SLC29A4: variants seen among roughly 807,000 people sequenced by gnomAD.
SLC29A4 encodes the protein equilibrative nucleoside transporter 4.
Under a neutral mutation model 43.9 loss-of-function variants are expected in SLC29A4, and 36 were observed. The ratio of observed to expected loss-of-function variants is 0.82; its 90% CI spans 0.63 to 1.08. The LOEUF (loss-of-function observed/expected upper bound fraction) is 1.08, where lower values mean the gene tolerates loss of function less well. Ranked by LOEUF, SLC29A4 falls within the 50% of genes least tolerant of loss-of-function variation. SLC29A4 has a pLI of 0.00. For missense variants in SLC29A4, 869 were observed against 755.3 expected (o/e 1.15, Z -1.77); for synonymous variants, 491 against 338.0 (o/e 1.45, Z -4.97).
Position 5,305,883 on chromosome 7 carries a change from A to T in SLC29A4, c.*2944A>T. 7.2e-6 allele frequency: 1 copy of T among 138,316 alleles called. No homozygotes were observed. The allele number at this position is 138,316 out of a possible 1,614,324, so 8.6% of individuals were successfully genotyped here. A position where few individuals can be genotyped will look rare whatever the true frequency, so the allele number is the denominator to read the frequency against. On this transcript the variant is annotated 3_prime_UTR_variant, in exon 11 of 11. Coordinates refer to ENST00000396872, the MANE Select transcript of SLC29A4 (RefSeq NM_153247.4). The stretch of plus-strand genomic sequence containing the variant: ...TGGTTTTTTGAGATGGAATCTCGTT[A>T]TGTCACCCCAGCTGGAGGGCAGTGG...
intron 10 of SLC29A4, among the ~76,000 whole-genome samples, chr7:5,302,383 A>T (rs1406956118): frequency 1.3e-5 from 2 of 152,108 alleles, no homozygotes; most frequent in East Asian, 1.9e-4. Flanking sequence ...CTACAAAAAA[A>T]TTTTTTTAGG....
At position 5,297,102 on chromosome 7, in the gene SLC29A4, C is replaced by T. The variant is rs541394436; in HGVS notation, c.786C>T (p.Thr262=). The change falls in exon 7 of 11, where the codon ACC becomes ACT. Residue 262 remains threonine, a synonymous_variant. Coordinates refer to ENST00000396872, the MANE Select transcript of SLC29A4 (RefSeq NM_153247.4). ...GCAGCCGCTTCGTGCTCTTCTATACCACACGGCCGCGTGACAGCCACCGGG... is the reference window on the plus strand; with the variant it reads ...GCAGCCGCTTCGTGCTCTTCTATACTACACGGCCGCGTGACAGCCACCGGG... ...VRRSRFVLFY[T]TRPRDSHRGR... is the part of the protein sequence containing the mutation. The T allele has an allele frequency of 5.0e-6, 8 of 1,607,622 alleles. No individual in the cohort carries two copies. Among genetic ancestry groups the T allele is most frequent in the African/African-American group, 1.3e-5 (1 of 75,018 alleles).
intron 5 of SLC29A4, among the ~76,000 whole-genome samples, chr7:5,292,179 T>C (rs1488847538): frequency 1.3e-5 from 2 of 152,080 alleles, no homozygotes; most frequent in Admixed American, 6.6e-5. Flanking sequence ...GGCATGATCA[T>C]AGCTCACTGC....
At chr7:5,291,024 C>G in intron 3 of SLC29A4, 100 bp from the exon 4 acceptor site, 1 of 1,537,334 alleles carries the variant, frequency 6.5e-7, no homozygotes, top group Non-Finnish European at 8.9e-7. Context: ...GCCACTCACC[C>G]TCTGTGGGCA....
intron 7 of SLC29A4, 66 bp from the exon 8 acceptor site, chr7:5,298,922 A>G (rs1207383892): frequency 3.2e-6 from 5 of 1,553,652 alleles, no homozygotes; most frequent in Admixed American, 3.6e-5. Context: ...TTGGGCCTGG[A>G]TTCCTGGCCC....
At position 5,287,872 on chromosome 7, in the gene SLC29A4, A is replaced by T. The variant is rs559185534; in HGVS notation, c.56A>T (p.Asp19Val). 1.9e-6 allele frequency: 3 copies of T among 1,611,852 alleles called. No homozygotes were observed. The East Asian group carries it at 6.7e-5, about 36-fold the overall frequency. The change falls in exon 2 of 11, where the codon GAC becomes GTC. Residue 19 changes from aspartate to valine, a missense_variant. Asp to Val is a radical substitution (Grantham distance 152). Coordinates refer to ENST00000396872, the MANE Select transcript of SLC29A4 (RefSeq NM_153247.4). Reference protein sequence around the residue: ...LEEPSVAGTPDPGVVMSFTFD... With the variant: ...LEEPSVAGTPVPGVVMSFTFD... ...GAGCCCAGCGTGGCAGGCACACCAG[A>T]CCCGGGCGTAGTGATGAGCTTCACC...
At chr7:5,283,352 G>GT (rs955541379) in intron 1 of SLC29A4, among the ~76,000 whole-genome samples, 2 of 140,756 alleles carry the variant, frequency 1.4e-5, no homozygotes, top group African/African-American at 5.1e-5. Flanking sequence ...CCGCGCGGGG[G>GT]TCCTCCCGCA....
chr7:5,296,812 CAGGGCCTGTGGTGGAGGGCGGGGCCGG>C lies in SLC29A4; in HGVS notation c.620-123_620-97del, dbSNP rs1341397842. 234 of 1,029,156 alleles carry C rather than the reference CAGGGCCTGTGGTGGAGGGCGGGGCCGG, an allele frequency of 2.3e-4. 1 individual carries two copies. In the East Asian group the frequency reaches 2.5e-3, roughly 11 times the overall value. 63.8% of individuals were successfully genotyped at this position (1,029,156 alleles called of 1,614,324 possible). On this transcript the variant is annotated intron_variant, in intron 6 of 10. Transcript: ENST00000396872. Reference sequence around the variant, plus strand: ...GGAGGGCGGGGCCTGTGGGTGGGGGCAGGGCCTGTGGTGGAGGGCGGGGCCGGTGGGGAGGGGTCTGTGTGTGGACGG... The same window carrying C: ...GGAGGGCGGGGCCTGTGGGTGGGGGCTGGGGAGGGGTCTGTGTGTGGACGG...
At chr7:5,285,967 G>A (rs1390584380) in intron 1 of SLC29A4, among the ~76,000 whole-genome samples, 3 of 152,028 alleles carry the variant, frequency 2.0e-5, no homozygotes, top group Non-Finnish European at 2.9e-5. Flanking sequence ...TTGTGATCGC[G>A]CCACTGCACT....
chr7:5,287,740 G>A (rs1002175400), intron 1 of SLC29A4, 69 bp from the exon 2 acceptor site: 11 of 1,474,572 alleles, frequency 7.5e-6, no homozygotes, highest in African/African-American at 1.4e-5. Flanking sequence ...AGCTTTATGG[G>A]TCAGTGCATG....
Position 5,305,145 on chromosome 7 carries a change from G to C in SLC29A4, c.*2206G>C, listed in dbSNP as rs1426511269. 2 of 152,274 alleles carry C rather than the reference G, an allele frequency of 1.3e-5. No homozygotes were observed. Among genetic ancestry groups the C allele is most frequent in the Non-Finnish European group, 2.9e-5 (2 of 68,090 alleles). The allele number at this position is 152,274 out of a possible 1,614,324, so 9.4% of individuals were successfully genotyped here. On this transcript the variant is annotated 3_prime_UTR_variant, in exon 11 of 11. Transcript: ENST00000396872. ...CTGTCCTTAGCTTCCCCAAGGAATG[G>C]GGCTGGTCCAGGTTTTGATGTGGGT...
At chr7:5,289,230 G>A (rs1465226490) in intron 2 of SLC29A4, among the ~76,000 whole-genome samples, 6 of 151,858 alleles carry the variant, frequency 4.0e-5, no homozygotes, top group Non-Finnish European at 8.8e-5. Flanking sequence ...AATCTCGTCT[G>A]TACAAAAAAT....
chr7:5,291,802 C>T lies in SLC29A4; in HGVS notation c.525C>T (p.Thr175=), dbSNP rs371316340. The T allele has an allele frequency of 1.1e-5, 18 of 1,611,742 alleles. No individual in the cohort carries two copies. The highest frequency in any genetic ancestry group is 6.7e-5 in the African/African-American group (5 of 74,876). Residue 175 remains threonine (T), a synonymous_variant, in exon 5 of 11, where the codon ACC becomes ACT. Transcript: ENST00000396872. ...AYAINLAAVG[T]VAFGCTVQQS... ...CCATCAACCTGGCCGCTGTGGGCAC[C>T]GTGGCCTTCGGCTGCACAGGTAGGA...
intron 6 of SLC29A4, among the ~76,000 whole-genome samples, chr7:5,295,448 A>G (rs893300450): frequency 3.9e-5 from 6 of 151,938 alleles, no homozygotes; most frequent in Non-Finnish European, 8.8e-5. Flanking sequence ...CCTTCTCAGC[A>G]AATGGCACCC....
intron 6 of SLC29A4, 34 bp from the exon 7 acceptor site, chr7:5,296,902 G>A: frequency 6.4e-7 from 1 of 1,554,638 alleles, no homozygotes; most frequent in Non-Finnish European, 8.6e-7. Context: ...GAGCTGGGCG[G>A]ATCAGGCCCC....
rs1304893218 is a variant in SLC29A4 at position 5,305,299 on chromosome 7, C to G, written c.*2360C>G. The stretch of plus-strand genomic sequence containing the variant: ...GTGTTTCCCAGAGCCCATGCCGGGC[C>G]CTTCCCTTGCCCGAGGCCGGCTGGC... On this transcript the variant is annotated 3_prime_UTR_variant, in exon 11 of 11. Transcript: ENST00000396872. 6.6e-6 allele frequency: 1 copy of G among 152,316 alleles called. No homozygotes were observed. Among genetic ancestry groups the G allele is most frequent in the Non-Finnish European group, 1.5e-5 (1 of 68,110 alleles). The allele number at this position is 152,316 out of a possible 1,614,324, so 9.4% of individuals were successfully genotyped here. A position where few individuals can be genotyped will look rare whatever the true frequency, so the allele number is the denominator to read the frequency against.
chr7:5,287,940 G>T lies in SLC29A4; in HGVS notation c.124G>T (p.Gly42Cys), dbSNP rs1238023519. ...GGAGGAGGCGGCGGAGGCGGCTCAG[G>T]GCCAGGGCCTTAGGGCCAGGGGCGT... is the stretch of plus-strand genomic sequence containing the variant. ...QLEEAAEAAQ[G>C]QGLRARGVPA... The change falls in exon 2 of 11, where the codon GGC (glycine) becomes TGC (cysteine). Residue 42 changes from glycine (G) to cysteine (C), a missense_variant. Gly to Cys is a radical substitution (Grantham distance 159, BLOSUM62 -3). Coordinates refer to ENST00000396872, the MANE Select transcript of SLC29A4 (RefSeq NM_153247.4). 3 of 1,611,580 alleles carry T rather than the reference G, an allele frequency of 1.9e-6. No individual in the cohort carries two copies. In the South Asian group the frequency reaches 3.3e-5, roughly 18 times the overall value.
intron 2 of SLC29A4, among the ~76,000 whole-genome samples, chr7:5,288,910 C>T (rs572814672): frequency 6.6e-6 from 1 of 152,226 alleles, no homozygotes; most frequent in Non-Finnish European, 1.5e-5. Flanking sequence ...CACCAGGAGC[C>T]CCTGGTCAAG....
At chr7:5,302,689 G>A (rs2128093279) in intron 10 of SLC29A4, 108 bp from the exon 11 acceptor site, 1 of 1,138,990 alleles carries the variant, frequency 8.8e-7, no homozygotes, top group East Asian at 2.6e-5. Context: ...GCGGGTCCTG[G>A]AGGGGCGGCA....
Sources: allele counts gnomAD v4.1 joint callset (sites outside exome capture counted in the v4.1 genomes callset), GRCh38; gene constraint gnomAD v4.1.1; transcripts MANE v1.5; gene names NCBI Gene and HGNC (gene_info 2026-07-23, HGNC 2026-07-21).